Variants in ACVR1C observed in about 807,000 individuals in gnomAD.
The protein encoded by ACVR1C is activin receptor type-1C.
ACVR1C carries 23 observed loss-of-function variants against 57.9 expected under a neutral mutation model. That is an observed-to-expected ratio of 0.40 (90% CI 0.29 to 0.56). The LOEUF is 0.56. Among genes scored for constraint, ACVR1C ranks in the 20% least tolerant of loss-of-function variants. The probability of loss-of-function intolerance (pLI) is 0.50; values close to 1 mark genes in which losing one functional copy is unlikely to be tolerated. For synonymous variants in ACVR1C, 214 were observed against 215.3 expected (o/e 0.99, Z 0.05); for missense variants, 480 against 607.9 (o/e 0.79, Z 2.21).
At chr2:157,536,954 T>TA (rs1403150181) in intron 8 of ACVR1C, among the ~76,000 whole-genome samples, 2 of 152,238 alleles carry the variant, frequency 1.3e-5, no homozygotes, top group African/African-American at 4.8e-5. Context: ...GTCATTGCAT[T>TA]AAAAAACTAA....
intron 3 of ACVR1C, among the ~76,000 whole-genome samples, chr2:157,554,140 A>G (rs1199012143): frequency 6.7e-6 from 1 of 149,072 alleles, no homozygotes; most frequent in Non-Finnish European, 1.5e-5. Context: ...CCAAGATAGC[A>G]CCACTGCACT....
At chr2:157,603,396 G>A (rs1682323491) in intron 1 of ACVR1C, among the ~76,000 whole-genome samples, 1 of 152,060 alleles carries the variant, frequency 6.6e-6, no homozygotes, top group African/African-American at 2.4e-5. Context: ...ACTCAACAAG[G>A]GGTACCTCTA....
intron 1 of ACVR1C, among the ~76,000 whole-genome samples, chr2:157,609,716 T>C (rs867651638): frequency 4.6e-5 from 7 of 152,054 alleles, no homozygotes; most frequent in Non-Finnish European, 1.0e-4. Context: ...TAACATTCTT[T>C]GTCTTCTTTT....
intron 3 of ACVR1C, among the ~76,000 whole-genome samples, chr2:157,551,856 T>G (rs1039294343): frequency 6.6e-6 from 1 of 152,186 alleles, no homozygotes; most frequent in African/African-American, 2.4e-5. Context: ...TATGGACATA[T>G]AAGCACAGGC....
chr2:157,549,934 C>A (rs1687872142), intron 4 of ACVR1C, among the ~76,000 whole-genome samples: 1 of 139,410 alleles, frequency 7.2e-6, no homozygotes, highest in South Asian at 2.2e-4. Flanking sequence ...ACCCGGGAGG[C>A]AGAGCTTGCG....
rs1236236380 is a variant in ACVR1C at position 157,528,184 on chromosome 2, T to C, written c.*5734A>G. The C allele has an allele frequency of 6.6e-6, 1 of 152,218 alleles. No homozygotes were observed. Among genetic ancestry groups the C allele is most frequent in the East Asian group, 1.9e-4 (1 of 5,196 alleles). The allele number at this position is 152,218 out of a possible 1,614,324, so 9.4% of individuals were successfully genotyped here. ...AATTATGTCTGGGAGCCAATTGCAG[T>C]TGGATTTTAGCCCGCACCTGCCCCT... is the stretch of plus-strand genomic sequence containing the variant. On this transcript the variant is annotated 3_prime_UTR_variant, in exon 9 of 9. Coordinates refer to ENST00000243349, the MANE Select transcript of ACVR1C (RefSeq NM_145259.3).
Position 157,550,644 on chromosome 2 carries a change from C to T in ACVR1C, c.545-252G>A, listed in dbSNP as rs372051946. Among the ~76,000 whole-genome samples the T allele has an allele frequency of 5.9e-5, 9 of 151,714 alleles. 1 individual carries two copies. In the East Asian group the frequency reaches 1.5e-3, roughly 26 times the overall value. ...AAAATTTTTTGAACATAGCCTGCTG[C>T]TACAGATATCTGATTTCCAAGAATT... On this transcript the variant is annotated intron_variant, in intron 3 of 8. Coordinates refer to ENST00000243349, the MANE Select transcript of ACVR1C (RefSeq NM_145259.3).
At chr2:157,610,404 T>C (rs1302989958) in intron 1 of ACVR1C, among the ~76,000 whole-genome samples, 1 of 152,164 alleles carries the variant, frequency 6.6e-6, no homozygotes, top group African/African-American at 2.4e-5. Context: ...CTGTTGAAAA[T>C]TCAGCCTTTA....
At chr2:157,539,074 C>T (rs2105203922) in intron 7 of ACVR1C, among the ~76,000 whole-genome samples, 1 of 150,844 alleles carries the variant, frequency 6.6e-6, no homozygotes, top group East Asian at 1.9e-4. Flanking sequence ...AATTAAAATG[C>T]CATTATACAA....
chr2:157,593,380 CTAT>C (rs1689087207), intron 1 of ACVR1C, among the ~76,000 whole-genome samples: 1 of 152,158 alleles, frequency 6.6e-6, no homozygotes, highest in Non-Finnish European at 1.5e-5. Flanking sequence ...TGTTTGGAGT[CTAT>C]ATGCTAAAAT....
rs1056405267 is a variant in ACVR1C at position 157,608,577 on chromosome 2, GT to G, written c.73+19994del. On this transcript the variant is annotated intron_variant, in intron 1 of 8. Coordinates refer to ENST00000243349, the MANE Select transcript of ACVR1C (RefSeq NM_145259.3). ...AACTGGTATTAGATCTTCTTTATATGTTTGGTAGAATTCCACAGTGAATACG... is the reference window on the plus strand; with the variant it reads ...AACTGGTATTAGATCTTCTTTATATGTTGGTAGAATTCCACAGTGAATACG... 6.6e-4 allele frequency among the ~76,000 whole-genome samples: 100 copies of G among 151,870 alleles called. 1 individual carries two copies. The highest frequency in any genetic ancestry group is 2.4e-3 in the African/African-American group (98 of 41,524).
At chr2:157,619,810 G>T (rs1682726620) in intron 1 of ACVR1C, among the ~76,000 whole-genome samples, 1 of 151,968 alleles carries the variant, frequency 6.6e-6, no homozygotes, top group Non-Finnish European at 1.5e-5. Context: ...CTATTTATTT[G>T]CAAGAAGTCA....
At chr2:157,597,919 A>T (rs556133984) in intron 1 of ACVR1C, among the ~76,000 whole-genome samples, 1 of 152,304 alleles carries the variant, frequency 6.6e-6, no homozygotes, top group East Asian at 1.9e-4. Context: ...CTCTTATTTG[A>T]ACCAAAAGAT....
chr2:157,542,895 T>C, intron 5 of ACVR1C, 33 bp from the exon 6 acceptor site: 2 of 1,602,994 alleles, frequency 1.2e-6, no homozygotes, highest in Non-Finnish European at 1.7e-6. Flanking sequence ...TTCATTTTTT[T>C]CTTTACCGGA....
chr2:157,625,786 A>G lies in ACVR1C; in HGVS notation c.73+2786T>C, dbSNP rs532278614. Reference sequence around the variant, plus strand: ...TCAAGAAATTAGAAGAGAATGCACAATATGTAAATCTATGTAACATCCAAA... The same window carrying G: ...TCAAGAAATTAGAAGAGAATGCACAGTATGTAAATCTATGTAACATCCAAA... On this transcript the variant is annotated intron_variant, in intron 1 of 8. Coordinates refer to ENST00000243349, the MANE Select transcript of ACVR1C (RefSeq NM_145259.3). Among the ~76,000 whole-genome samples the G allele has an allele frequency of 3.9e-5, 6 of 152,354 alleles. No individual in the cohort carries two copies. The South Asian group carries it at 1.2e-3, about 32-fold the overall frequency.
intron 1 of ACVR1C, among the ~76,000 whole-genome samples, chr2:157,617,767 A>G (rs994492055): frequency 6.6e-6 from 1 of 151,974 alleles, no homozygotes; most frequent in Non-Finnish European, 1.5e-5. Context: ...GGATAGAAGG[A>G]TGGATAAATG....
intron 2 of ACVR1C, among the ~76,000 whole-genome samples, chr2:157,582,290 C>T (rs757465456): frequency 3.2e-4 from 49 of 151,982 alleles, no homozygotes; most frequent in Admixed American, 3.3e-4. Flanking sequence ...CAAGACACTG[C>T]CTTAAAAAAT....
In ACVR1C at chr2:157,554,179, G is replaced by GA. The variant is rs1168582324; in HGVS notation, c.544+1913dup. Reference sequence around the variant, plus strand: ...GCCTAGGTAACAGGGTGAGAATCTGGAAAAAAAAAAAATAAAGAAGAGAGA... The same window carrying GA: ...GCCTAGGTAACAGGGTGAGAATCTGGAAAAAAAAAAAAATAAAGAAGAGAGA... On this transcript the variant is annotated intron_variant, in intron 3 of 8. Coordinates refer to ENST00000243349, the MANE Select transcript of ACVR1C (RefSeq NM_145259.3). Among the ~76,000 whole-genome samples the GA allele has an allele frequency of 6.9e-3, 569 of 82,654 alleles. 9 individuals carry two copies. Among genetic ancestry groups the GA allele is most frequent in the African/African-American group, 0.02 (462 of 23,086 alleles). 54.2% of individuals were successfully genotyped at this position (82,654 alleles called of 152,430 possible). A position where few individuals can be genotyped will look rare whatever the true frequency, so the allele number is the denominator to read the frequency against.
intron 1 of ACVR1C, among the ~76,000 whole-genome samples, chr2:157,595,068 C>A (rs568525969): frequency 2.6e-5 from 4 of 152,190 alleles, no homozygotes; most frequent in Non-Finnish European, 5.9e-5. Context: ...TCCAGAAATA[C>A]CATGAATAAC....
Sources: allele counts gnomAD v4.1 joint callset (sites outside exome capture counted in the v4.1 genomes callset), GRCh38; gene constraint gnomAD v4.1.1; transcripts MANE v1.5; gene names NCBI Gene and HGNC (gene_info 2026-07-23, HGNC 2026-07-21).